The following MACROD2 variants were observed in gnomAD, a reference collection of about 807,000 sequenced individuals.
The protein encoded by MACROD2 is mono-ADP ribosylhydrolase 2.
In MACROD2, 36 loss-of-function variants were observed where a neutral mutation model predicts 70.4. That is an observed-to-expected ratio of 0.51 (90% CI 0.39 to 0.68). MACROD2 has a LOEUF of 0.68. MACROD2 is among the 30% of genes least tolerant of loss of function. MACROD2 has a pLI of 0.00. For synonymous variants in MACROD2, 172 were observed against 178.8 expected (o/e 0.96, Z 0.30); for missense variants, 496 against 538.4 (o/e 0.92, Z 0.78).
chr20:15,728,686 A>G (rs764755788), intron 8 of MACROD2, among the ~76,000 whole-genome samples: 1 of 152,134 alleles, frequency 6.6e-6, no homozygotes, highest in African/African-American at 2.4e-5. Flanking sequence ...TTGTGTGCAT[A>G]GAGGTGTTTG....
intron 8 of MACROD2, among the ~76,000 whole-genome samples, chr20:15,807,708 A>G (rs901557342): frequency 2.6e-5 from 4 of 152,186 alleles, no homozygotes; most frequent in African/African-American, 9.7e-5. Context: ...ATTAATTTCA[A>G]ATTTCTTTTT....
chr20:14,611,739 A>G (rs1600454075), intron 4 of MACROD2, among the ~76,000 whole-genome samples: 1 of 152,076 alleles, frequency 6.6e-6, no homozygotes, highest in Non-Finnish European at 1.5e-5. Context: ...TAGGATTCTT[A>G]TCTTAAATGT....
rs571413937 is a variant in MACROD2 at position 15,184,515 on chromosome 20, A to G, written c.419-45425A>G. 7.2e-5 allele frequency among the ~76,000 whole-genome samples: 11 copies of G among 152,346 alleles called. No individual in the cohort carries two copies. In the South Asian group the frequency reaches 2.1e-3, roughly 29 times the overall value. On this transcript the variant is annotated intron_variant, in intron 5 of 17. Transcript: ENST00000684519. Reference sequence around the variant, plus strand: ...CTAGTTGAGTGAGTCTCCTGTAAGCAGTAAACTTGGGGATTTAGGGTCCTT... The same window carrying G: ...CTAGTTGAGTGAGTCTCCTGTAAGCGGTAAACTTGGGGATTTAGGGTCCTT...
rs574335050 is a variant in MACROD2 at position 14,539,761 on chromosome 20, T to C, written c.301+46253T>C. Among the ~76,000 whole-genome samples, 4 of 152,370 alleles carry C rather than the reference T, an allele frequency of 2.6e-5. No individual in the cohort carries two copies. In the South Asian group the frequency reaches 8.3e-4, roughly 32 times the overall value. On this transcript the variant is annotated intron_variant, in intron 4 of 17. Transcript: ENST00000684519. ...CTGCTAATGTATAGACAATTTACTT[T>C]GTTTTCTTCAGAGAAATTGAGAACT... is the stretch of plus-strand genomic sequence containing the variant.
intron 7 of MACROD2, among the ~76,000 whole-genome samples, chr20:15,485,855 A>G (rs2047156714): frequency 6.6e-6 from 1 of 152,166 alleles, no homozygotes; most frequent in Non-Finnish European, 1.5e-5. Context: ...TTAGAAATCC[A>G]AAACCAGCCA....
chr20:14,409,507 A>G (rs1047166110), intron 3 of MACROD2, among the ~76,000 whole-genome samples: 2 of 152,008 alleles, frequency 1.3e-5, no homozygotes, highest in East Asian at 3.9e-4. Context: ...ACCCAGAGTC[A>G]TCCAGGCCAA....
rs565187630 is a variant in MACROD2 at position 14,459,883 on chromosome 20, AC to A, written c.272-33591del. On this transcript the variant is annotated intron_variant, in intron 3 of 17. Coordinates refer to ENST00000684519, the MANE Select transcript of MACROD2 (RefSeq NM_001351661.2). Reference sequence around the variant, plus strand: ...AATGCTATCCCTCCCCTAGTCTCTCACCCCCTGACAGGCCCTGGTGTTTGAT... The same window carrying A: ...AATGCTATCCCTCCCCTAGTCTCTCACCCCTGACAGGCCCTGGTGTTTGAT... Among the ~76,000 whole-genome samples, 224 of 151,240 alleles carry A rather than the reference AC, an allele frequency of 1.5e-3. 2 individuals carry two copies. The highest frequency in any genetic ancestry group is 4.9e-3 in the African/African-American group (202 of 41,164).
intron 6 of MACROD2, among the ~76,000 whole-genome samples, chr20:15,380,896 T>A (rs1362475416): frequency 6.6e-6 from 1 of 152,162 alleles, no homozygotes; most frequent in Non-Finnish European, 1.5e-5. Context: ...TAATAAAAAC[T>A]CAGTCACATC....
intron 5 of MACROD2, among the ~76,000 whole-genome samples, chr20:15,123,028 C>G (rs2076041950): frequency 6.6e-6 from 1 of 152,236 alleles, no homozygotes; most frequent in South Asian, 2.1e-4. Context: ...TAGCCCAAGC[C>G]ATATGGTTCT....
At chr20:15,701,577 A>G (rs2050460106) in intron 8 of MACROD2, among the ~76,000 whole-genome samples, 1 of 152,158 alleles carries the variant, frequency 6.6e-6, no homozygotes, top group South Asian at 2.1e-4. Flanking sequence ...TTCTCCTTTC[A>G]GTGTATTCTA....
At chr20:16,018,235 A>G (rs146880075) in intron 15 of MACROD2, among the ~76,000 whole-genome samples, 4 of 152,320 alleles carry the variant, frequency 2.6e-5, no homozygotes, top group African/African-American at 9.6e-5. Context: ...CCATAGGGAG[A>G]AGAAATGCAG....
intron 3 of MACROD2, among the ~76,000 whole-genome samples, chr20:14,118,904 G>A (rs1324103121): frequency 2.0e-5 from 3 of 146,914 alleles, no homozygotes; most frequent in Non-Finnish European, 1.5e-5. Flanking sequence ...GGAGTGCAAT[G>A]GCGCGATCTC....
chr20:15,609,815 G>A (rs961789427), intron 8 of MACROD2, among the ~76,000 whole-genome samples: 5 of 152,156 alleles, frequency 3.3e-5, no homozygotes, highest in Admixed American at 6.5e-5. Context: ...TATAATTGCA[G>A]CCACCACAAA....
At chr20:15,130,035 T>C (rs2076093927) in intron 5 of MACROD2, among the ~76,000 whole-genome samples, 1 of 152,058 alleles carries the variant, frequency 6.6e-6, no homozygotes, top group African/African-American at 2.4e-5. Context: ...TTATTCCCAT[T>C]TTACGATGAA....
intron 5 of MACROD2, among the ~76,000 whole-genome samples, chr20:15,006,141 A>ATATGTG (rs141289169): frequency 0.05 from 6,752 of 134,286 alleles, 232 homozygotes; most frequent in Non-Finnish European, 0.079. Flanking sequence ...ATATATATAT[A>ATATGTG]TGTGTGTGTG....
At chr20:15,820,980 T>C (rs2063932313) in intron 8 of MACROD2, among the ~76,000 whole-genome samples, 1 of 152,184 alleles carries the variant, frequency 6.6e-6, no homozygotes, top group African/African-American at 2.4e-5. Flanking sequence ...GGAGCACCTT[T>C]CTGAGAGGCT....
At chr20:14,525,019 G>T (rs994991759) in intron 4 of MACROD2, among the ~76,000 whole-genome samples, 9 of 152,138 alleles carry the variant, frequency 5.9e-5, no homozygotes, top group African/African-American at 1.9e-4. Context: ...TGTTGAAAAC[G>T]CAGGGTGATA....
At chr20:15,953,708 A>C (rs2065938318) in intron 12 of MACROD2, among the ~76,000 whole-genome samples, 1 of 152,160 alleles carries the variant, frequency 6.6e-6, no homozygotes. Context: ...TGATGCCTAG[A>C]ACTAAATGAT....
At chr20:14,322,455 A>T (rs983785213) in intron 3 of MACROD2, among the ~76,000 whole-genome samples, 5 of 132,306 alleles carry the variant, frequency 3.8e-5, no homozygotes, top group African/African-American at 8.3e-5. Flanking sequence ...CAGAGACTTT[A>T]TGGAGACATC....
Sources: allele counts gnomAD v4.1 joint callset (sites outside exome capture counted in the v4.1 genomes callset), GRCh38; gene constraint gnomAD v4.1.1; transcripts MANE v1.5; gene names NCBI Gene and HGNC (gene_info 2026-07-23, HGNC 2026-07-21).